The following BCKDHB variants were observed in gnomAD, a reference collection of about 807,000 sequenced individuals.
The protein encoded by BCKDHB is branched chain keto acid dehydrogenase E1 subunit beta.
BCKDHB carries 41 observed loss-of-function variants against 48.5 expected under a neutral mutation model. The ratio of observed to expected loss-of-function variants is 0.85; its 90% CI spans 0.66 to 1.10. The LOEUF (loss-of-function observed/expected upper bound fraction) is 1.10, where lower values mean the gene tolerates loss of function less well. BCKDHB is among the 50% of genes least tolerant of loss of function. BCKDHB has a pLI of 0.00. For synonymous variants in BCKDHB, 201 were observed against 174.8 expected, an observed-to-expected ratio of 1.15 and a Z score of -1.18; for missense variants, 496 against 494.2, an observed-to-expected ratio of 1.00 and a Z score of -0.03.
chr6:80,250,074 C>A (rs1372168434), intron 8 of BCKDHB, among the ~76,000 whole-genome samples: 3 of 152,064 alleles, frequency 2.0e-5, no homozygotes, highest in Non-Finnish European at 4.4e-5. Context: ...AGAGTGTGGG[C>A]TGGGTTGCAG....
rs34504496 is a variant in BCKDHB at position 80,234,829 on chromosome 6, T to TTATA, written c.951+31629_951+31632dup. Among the ~76,000 whole-genome samples the TTATA allele has an allele frequency of 2.4e-3, 366 of 150,616 alleles. 2 individuals are homozygous for TTATA. Among genetic ancestry groups the TTATA allele is most frequent in the Middle Eastern group, 3.4e-3 (1 of 292 alleles). On this transcript the variant is annotated intron_variant, in intron 8 of 9. Coordinates refer to ENST00000320393, the MANE Select transcript of BCKDHB (RefSeq NM_183050.4). ...TGAATGAATGAATGAAGACAATGTT[T>TTATA]TATATATATATATATTAGACTATTA...
intron 8 of BCKDHB, among the ~76,000 whole-genome samples, chr6:80,263,138 C>T (rs1472802972): frequency 6.6e-6 from 1 of 152,044 alleles, no homozygotes; most frequent in African/African-American, 2.4e-5. Flanking sequence ...TAATTTTTGA[C>T]CTTAAGATTT....
chr6:80,169,994 G>C, intron 5 of BCKDHB: 2 of 1,191,086 alleles, frequency 1.7e-6, no homozygotes, highest in Non-Finnish European at 2.1e-6. Flanking sequence ...TTTTCTGTCT[G>C]TCCCCTGCCT....
the BCKDHB span, among the ~76,000 whole-genome samples, chr6:80,388,236 T>G: frequency 6.6e-6 from 1 of 152,184 alleles, no homozygotes; most frequent in East Asian, 1.9e-4. Context: ...TGTGAAAGCT[T>G]CTCTGCCACT....
chr6:80,253,198 C>G lies in BCKDHB; in HGVS notation c.952-19937C>G, dbSNP rs77457771. ...GTCAGCAGATATTCATCACTTAGGG[C>G]TAAGGTCAGTTGGTTGAGCTTTGGG... On this transcript the variant is annotated intron_variant, in intron 8 of 9. Transcript: ENST00000320393. Among the ~76,000 whole-genome samples the G allele has an allele frequency of 3.9e-5, 6 of 152,274 alleles. No homozygotes were observed. In the East Asian group the frequency reaches 1.2e-3, roughly 29 times the overall value.
At position 80,216,658 on chromosome 6, in the gene BCKDHB, C is replaced by T. The variant is rs16891538; in HGVS notation, c.951+13446C>T. On this transcript the variant is annotated intron_variant, in intron 8 of 9. Coordinates refer to ENST00000320393, the MANE Select transcript of BCKDHB (RefSeq NM_183050.4). ...AAGAAAGAAATCCGTTACCTCATTT[C>T]ATAATGAAAAAAGATTATAGGTACA... Among the ~76,000 whole-genome samples, 1,385 of 152,208 alleles carry T rather than the reference C, an allele frequency of 9.1e-3. 28 individuals carry two copies. Among genetic ancestry groups the T allele is most frequent in the African/African-American group, 0.031 (1,297 of 41,532 alleles).
intron 6 of BCKDHB, among the ~76,000 whole-genome samples, chr6:80,183,907 C>T (rs1176045656): frequency 6.6e-6 from 1 of 152,148 alleles, no homozygotes; most frequent in African/African-American, 2.4e-5. Context: ...CATGTCTTTT[C>T]ATGGCTTGAT....
intron 8 of BCKDHB, among the ~76,000 whole-genome samples, chr6:80,205,622 A>G (rs1002361802): frequency 6.6e-6 from 1 of 152,214 alleles, no homozygotes; most frequent in African/African-American, 2.4e-5. Flanking sequence ...ACTGTTGCTC[A>G]AGGGAGTTAA....
rs905538002 is a variant in BCKDHB, at chr6:80,344,205, A to G, written c.*401A>G. ...TTTTTATTGGAGGTGGGGTGTCACT[A>G]TGTTGGCTCAGCTGATTTCAAATTC... is the stretch of plus-strand genomic sequence containing the variant. On this transcript the variant is annotated 3_prime_UTR_variant, in exon 10 of 10. Transcript: ENST00000320393. 15 of 286,362 alleles carry G rather than the reference A, an allele frequency of 5.2e-5. No individual in the cohort carries two copies. Among genetic ancestry groups the G allele is most frequent in the African/African-American group, 2.0e-4 (9 of 44,884 alleles). The allele number at this position is 286,362 out of a possible 1,614,324, so 17.7% of individuals were successfully genotyped here.
chr6:80,464,123 T>TTTA, the BCKDHB span, among the ~76,000 whole-genome samples: 57 of 152,076 alleles, frequency 3.7e-4, no homozygotes, highest in South Asian at 0.01. Context: ...TCTTTAAATC[T>TTTA]TTATTATTAT....
chr6:80,153,815 A>G (rs1464593882), intron 3 of BCKDHB, among the ~76,000 whole-genome samples: 1 of 152,184 alleles, frequency 6.6e-6, no homozygotes, highest in East Asian at 1.9e-4. Flanking sequence ...CTGAAGCACA[A>G]TCCAACACCA....
At chr6:80,403,471 T>G in the BCKDHB span, among the ~76,000 whole-genome samples, 1 of 151,874 alleles carries the variant, frequency 6.6e-6, no homozygotes, top group Non-Finnish European at 1.5e-5. Flanking sequence ...TTTAAAATAG[T>G]TTTTTGGTGG....
At chr6:80,157,188 TTC>T (rs780300332) in intron 3 of BCKDHB, among the ~76,000 whole-genome samples, 15 of 152,240 alleles carry the variant, frequency 9.9e-5, no homozygotes, top group Admixed American at 2.0e-4. Context: ...ATTGTGACTT[TTC>T]TCCTTTTCTG....
chr6:80,257,433 CATAT>C (rs58367109), intron 8 of BCKDHB, among the ~76,000 whole-genome samples: 59,427 of 146,668 alleles, frequency 0.41, 12,795 homozygotes, highest in Admixed American at 0.56. Flanking sequence ...CTTAAAGATA[CATAT>C]ATATATATAT....
chr6:80,257,450 A>G (rs372700948), intron 8 of BCKDHB, among the ~76,000 whole-genome samples: 2 of 144,952 alleles, frequency 1.4e-5, no homozygotes, highest in Non-Finnish European at 3.0e-5. Context: ...ATATATATAT[A>G]TGAATATATA....
At chr6:80,312,796 G>A (rs751109754) in intron 9 of BCKDHB, among the ~76,000 whole-genome samples, 3 of 152,126 alleles carry the variant, frequency 2.0e-5, no homozygotes, top group Non-Finnish European at 2.9e-5. Context: ...GATTATGATC[G>A]ATAAGCTTTG....
the BCKDHB span, among the ~76,000 whole-genome samples, chr6:80,395,993 C>T: frequency 6.6e-6 from 1 of 152,162 alleles, no homozygotes. Context: ...AGAACCTCCT[C>T]CTAGATTTCA....
intron 9 of BCKDHB, among the ~76,000 whole-genome samples, chr6:80,336,496 C>CAAAAA (rs1769599756): frequency 7.0e-5 from 10 of 142,410 alleles, no homozygotes; most frequent in South Asian, 2.2e-4. Flanking sequence ...CAAAAAAAAC[C>CAAAAA]AAAAAAACAA....
intron 8 of BCKDHB, among the ~76,000 whole-genome samples, chr6:80,210,167 A>G (rs1168971128): frequency 1.3e-5 from 2 of 150,972 alleles, no homozygotes; most frequent in Admixed American, 6.6e-5. Context: ...AGAAGCGTTC[A>G]TAGGAACATT....
Sources: allele counts gnomAD v4.1 joint callset (sites outside exome capture counted in the v4.1 genomes callset), GRCh38; gene constraint gnomAD v4.1.1; transcripts MANE v1.5; gene names NCBI Gene and HGNC (gene_info 2026-07-23, HGNC 2026-07-21).